KDM5A: variants seen among roughly 807,000 people sequenced by gnomAD.
The protein encoded by KDM5A is lysine demethylase 5A.
In KDM5A, 42 loss-of-function variants were observed where a neutral mutation model predicts 193.5. That is an observed-to-expected ratio of 0.22 (90% CI 0.17 to 0.28). The LOEUF is 0.28. Among genes scored for constraint, KDM5A ranks in the 10% least tolerant of loss-of-function variants. The pLI, the probability that KDM5A is intolerant of heterozygous loss-of-function variation, is 1.00. For synonymous variants in KDM5A, 796 were observed against 718.1 expected (o/e 1.11, Z -1.73); for missense variants, 1,692 against 2,055.1 (o/e 0.82, Z 3.42).
chr12:380,992 A>T lies in KDM5A; in HGVS notation c.366+3039T>A, dbSNP rs984247526. Among the ~76,000 whole-genome samples, 193 of 82,370 alleles carry T rather than the reference A, an allele frequency of 2.3e-3. 3 individuals carry two copies. The East Asian group carries it at 0.026, about 11-fold the overall frequency. The allele number at this position is 82,370 out of a possible 152,430, so 54.0% of individuals were successfully genotyped here. A position where few individuals can be genotyped will look rare whatever the true frequency, so the allele number is the denominator to read the frequency against. On this transcript the variant is annotated intron_variant, in intron 3 of 27. Coordinates refer to ENST00000399788, the MANE Select transcript of KDM5A (RefSeq NM_001042603.3). Reference sequence around the variant, plus strand: ...TGCATAATTAGTAGAGATAGGTTTTATTTTATTTTTTTTTTTTAGACGGAG... The same window carrying T: ...TGCATAATTAGTAGAGATAGGTTTTTTTTTATTTTTTTTTTTTAGACGGAG...
At chr12:336,409 C>T (rs1040953487) in intron 10 of KDM5A, among the ~76,000 whole-genome samples, 2 of 147,548 alleles carry the variant, frequency 1.4e-5, no homozygotes, top group East Asian at 2.0e-4. Context: ...AAGTCCAACA[C>T]AGGTTTAACT....
intron 14 of KDM5A, among the ~76,000 whole-genome samples, chr12:326,499 G>GTAC (rs1331751427): frequency 6.6e-6 from 1 of 152,180 alleles, no homozygotes; most frequent in Non-Finnish European, 1.5e-5. Flanking sequence ...CAAATGTTAG[G>GTAC]TAAAGAAACA....
intron 27 of KDM5A, among the ~76,000 whole-genome samples, chr12:291,499 T>C (rs929332852): frequency 6.6e-6 from 1 of 152,180 alleles, no homozygotes; most frequent in Non-Finnish European, 1.5e-5. Context: ...TTACCTTCCC[T>C]GAGTCCTGGT....
Position 384,011 on chromosome 12 carries a change from T to C in KDM5A, c.366+20A>G. On this transcript the variant is annotated intron_variant, in intron 3 of 27. Coordinates refer to ENST00000399788, the MANE Select transcript of KDM5A (RefSeq NM_001042603.3). ...ATTCACAAGCCTGTGCTCTAATTTCTAAACCAGTATGAGCCTCACCTTGCT... is the reference window on the plus strand; with the variant it reads ...ATTCACAAGCCTGTGCTCTAATTTCCAAACCAGTATGAGCCTCACCTTGCT... 1 of 1,612,636 alleles carries C rather than the reference T, an allele frequency of 6.2e-7. No individual in the cohort carries two copies. The highest frequency in any genetic ancestry group is 8.5e-7 in the Non-Finnish European group (1 of 1,178,774).
At chr12:295,433 C>T (rs1591898557) in intron 26 of KDM5A, 140 bp downstream of exon 26, 1 of 802,390 alleles carries the variant, frequency 1.2e-6, no homozygotes, top group East Asian at 2.5e-5. Flanking sequence ...CCATAAAGCC[C>T]AATTTCTTTG....
intron 24 of KDM5A, among the ~76,000 whole-genome samples, chr12:305,969 G>GTTTTTTTTT: frequency 9.6e-6 from 1 of 104,216 alleles, no homozygotes; most frequent in Non-Finnish European, 1.8e-5. Flanking sequence ...CAATGGAAGT[G>GTTTTTTTTT]TTTTTTTTTT....
intron 3 of KDM5A, among the ~76,000 whole-genome samples, chr12:366,745 A>G (rs1410690112): frequency 6.6e-6 from 1 of 152,238 alleles, no homozygotes; most frequent in Non-Finnish European, 1.5e-5. Context: ...GGTCACATCA[A>G]GCCAGGCACT....
intron 4 of KDM5A, among the ~76,000 whole-genome samples, chr12:364,587 C>T (rs1414377462): frequency 4.0e-5 from 6 of 151,798 alleles, no homozygotes; most frequent in Admixed American, 1.3e-4. Flanking sequence ...AGATCGAGAC[C>T]ATCCTGGCTA....
Position 389,162 on chromosome 12 carries a change from G to A in KDM5A, c.-71C>T, listed in dbSNP as rs1944695800. 3.6e-6 allele frequency: 5 copies of A among 1,401,828 alleles called. No homozygotes were observed. The highest frequency in any genetic ancestry group is 5.1e-6 in the Non-Finnish European group (5 of 989,422). 86.8% of individuals were successfully genotyped at this position (1,401,828 alleles called of 1,614,324 possible). ...AGAAAAGCTGGCTGAAGCCCACTAA[G>A]CCCGTTCAAGTCCCCTGACAGAGGC... On this transcript the variant is annotated 5_prime_UTR_variant, in exon 1 of 28. Transcript: ENST00000399788.
chr12:364,736 G>C (rs1268772719), intron 4 of KDM5A, among the ~76,000 whole-genome samples: 2 of 138,644 alleles, frequency 1.4e-5, no homozygotes, highest in African/African-American at 5.5e-5. Context: ...AGCAAGCCGA[G>C]ATCGCGCCAC....
intron 16 of KDM5A, 113 bp from the exon 17 acceptor site, chr12:322,680 ATAAT>A (rs1416564169): frequency 1.1e-6 from 1 of 869,576 alleles, no homozygotes; most frequent in Non-Finnish European, 1.9e-6. Flanking sequence ...TAGAAATATA[ATAAT>A]TAGTAGAAAC....
chr12:357,857 C>T (rs1283490343), intron 5 of KDM5A, among the ~76,000 whole-genome samples: 1 of 47,822 alleles, frequency 2.1e-5, no homozygotes, highest in Non-Finnish European at 5.6e-5. Flanking sequence ...AAAAAAAAGC[C>T]CTTTTGCCCC....
intron 8 of KDM5A, 92 bp downstream of exon 8, chr12:353,984 G>A: frequency 2.0e-6 from 2 of 1,000,546 alleles, no homozygotes; most frequent in Admixed American, 3.7e-5. Flanking sequence ...ATGACAAAAG[G>A]AAACATATTT....
chr12:302,044 C>T (rs981181082), intron 24 of KDM5A, among the ~76,000 whole-genome samples: 3 of 152,300 alleles, frequency 2.0e-5, no homozygotes, highest in East Asian at 1.9e-4. Flanking sequence ...AATGGAAGAA[C>T]ATTCCATGCT....
At chr12:345,048 C>T (rs1944053260) in intron 10 of KDM5A, among the ~76,000 whole-genome samples, 1 of 151,730 alleles carries the variant, frequency 6.6e-6, no homozygotes, top group African/African-American at 2.4e-5. Context: ...CGCACACAGG[C>T]TCAAAATAAA....
chr12:359,892 A>G (rs1944274559), intron 5 of KDM5A, among the ~76,000 whole-genome samples: 1 of 152,044 alleles, frequency 6.6e-6, no homozygotes, highest in Non-Finnish European at 1.5e-5. Flanking sequence ...ATAATACATT[A>G]TCTTTCAGAT....
chr12:376,756 G>T (rs1029254387), intron 3 of KDM5A, among the ~76,000 whole-genome samples: 1 of 152,092 alleles, frequency 6.6e-6, no homozygotes, highest in Non-Finnish European at 1.5e-5. Context: ...CTAAAGAACA[G>T]TCTTCTACTT....
chr12:355,421 A>C (rs186937153), intron 6 of KDM5A, among the ~76,000 whole-genome samples, 172 bp from the exon 7 acceptor site: 81 of 152,340 alleles, frequency 5.3e-4, no homozygotes, highest in African/African-American at 1.9e-3. Flanking sequence ...GGTACAGCAA[A>C]GTTAGTAACT....
intron 14 of KDM5A, among the ~76,000 whole-genome samples, chr12:327,133 G>C (rs935874289): frequency 9.2e-5 from 14 of 152,170 alleles, no homozygotes; most frequent in Non-Finnish European, 2.1e-4. Flanking sequence ...CAAGGGCATA[G>C]GTGGAAGGTA....
Sources: allele counts gnomAD v4.1 joint callset (sites outside exome capture counted in the v4.1 genomes callset), GRCh38; gene constraint gnomAD v4.1.1; transcripts MANE v1.5; gene names NCBI Gene and HGNC (gene_info 2026-07-23, HGNC 2026-07-21).